Variants in SESTD1 observed in about 807,000 individuals in gnomAD.
The protein encoded by SESTD1 is SEC14 domain and spectrin repeat-containing protein 1.
Under a neutral mutation model 101.7 loss-of-function variants are expected in SESTD1, and 43 were observed. The observed-to-expected ratio is 0.42, with a 90% confidence interval of 0.33 to 0.55. The LOEUF (loss-of-function observed/expected upper bound fraction) is 0.55. SESTD1 is among the 20% of genes least tolerant of loss of function. The pLI is 0.07. For synonymous variants in SESTD1, 283 were observed against 286.8 expected (o/e 0.99, Z 0.13); for missense variants, 647 against 815.1 (o/e 0.79, Z 2.51).
chr2:179,165,539 G>C (rs991024153), intron 5 of SESTD1, among the ~76,000 whole-genome samples: 2 of 152,142 alleles, frequency 1.3e-5, no homozygotes, highest in Non-Finnish European at 2.9e-5. Flanking sequence ...AACATTCCCT[G>C]CATGCCCCAG....
intron 9 of SESTD1, among the ~76,000 whole-genome samples, chr2:179,135,303 A>C (rs2105431928): frequency 6.6e-6 from 1 of 152,248 alleles, no homozygotes; most frequent in East Asian, 1.9e-4. Flanking sequence ...ATCTTTCCAT[A>C]TTTTTTAAAG....
In SESTD1 at chr2:179,151,318, C is replaced by G; in HGVS notation, c.443G>C (p.Ser148Thr). The G allele has an allele frequency of 6.2e-7, 1 of 1,608,866 alleles. No individual in the cohort carries two copies. The highest frequency in any genetic ancestry group is 8.5e-7 in the Non-Finnish European group (1 of 1,177,780). Residue 148 changes from serine to threonine, a missense_variant, in exon 6 of 18, where the codon AGT becomes ACT. Physicochemically the swap from Ser to Thr is moderately conservative, Grantham distance 58. Coordinates refer to ENST00000428443, the MANE Select transcript of SESTD1 (RefSeq NM_178123.5). ...PCQLTEDFGGSLTYDHMDWLN... is the reference protein window; with the variant it reads ...PCQLTEDFGGTLTYDHMDWLN... ...CCAGTCCATGTGATCATAGGTGAGA[C>G]TCCCACCAAAATCTTCTGTTAATTG...
rs768481982 is a variant in SESTD1, at chr2:179,115,242, A to G, written c.1662T>C (p.Tyr554=). 7.5e-6 allele frequency: 12 copies of G among 1,598,286 alleles called. No individual in the cohort carries two copies. The highest frequency in any genetic ancestry group is 1.1e-5 in the South Asian group (1 of 87,230). Residue 554 remains tyrosine, a synonymous_variant, in exon 16 of 18, where the codon TAT becomes TAC. Coordinates refer to ENST00000428443, the MANE Select transcript of SESTD1 (RefSeq NM_178123.5). ...FVDVAQSTYD[Y]GRQLLQATVV... Reference sequence around the variant, plus strand: ...CTGTGGCCTGTAGCAACTGCCTGCCATAGTCATAAGTGCTCTAAAAAAGAA... The same window carrying G: ...CTGTGGCCTGTAGCAACTGCCTGCCGTAGTCATAAGTGCTCTAAAAAAGAA...
At chr2:179,247,037 A>G (rs2047242598) in intron 1 of SESTD1, among the ~76,000 whole-genome samples, 3 of 152,104 alleles carry the variant, frequency 2.0e-5, no homozygotes, top group African/African-American at 7.2e-5. Flanking sequence ...TTCAGATTCC[A>G]CTTGGGCACA....
At chr2:179,245,712 C>G (rs1251615328) in intron 1 of SESTD1, among the ~76,000 whole-genome samples, 2 of 151,450 alleles carry the variant, frequency 1.3e-5, no homozygotes, top group East Asian at 3.9e-4. Context: ...GCTCAAATAA[C>G]CCATAAAAAG....
chr2:179,187,138 G>A (rs1315127481), intron 2 of SESTD1, among the ~76,000 whole-genome samples: 1 of 152,016 alleles, frequency 6.6e-6, no homozygotes, highest in East Asian at 1.9e-4. Context: ...GGTAACAAAA[G>A]AACACCTGCT....
At chr2:179,212,117 G>C (rs1252573570) in intron 1 of SESTD1, among the ~76,000 whole-genome samples, 1 of 135,138 alleles carries the variant, frequency 7.4e-6, no homozygotes, top group Non-Finnish European at 1.6e-5. Context: ...TTCCAACTGA[G>C]GTACCTGGTT....
intron 1 of SESTD1, among the ~76,000 whole-genome samples, chr2:179,220,688 C>T (rs1292614329): frequency 6.6e-6 from 1 of 152,148 alleles, no homozygotes; most frequent in Non-Finnish European, 1.5e-5. Context: ...TGGATACAGC[C>T]ACAATAACTT....
chr2:179,215,773 C>T lies in SESTD1; in HGVS notation c.-25-23907G>A, dbSNP rs1314056912. Among the ~76,000 whole-genome samples, 5 of 135,108 alleles carry T rather than the reference C, an allele frequency of 3.7e-5. 2 individuals are homozygous for T. The highest frequency in any genetic ancestry group is 1.4e-4 in the Admixed American group (2 of 13,918). 88.6% of individuals were successfully genotyped at this position (135,108 alleles called of 152,430 possible). The stretch of plus-strand genomic sequence containing the variant: ...TACTGGCAAACCAAATCCAGCAGCA[C>T]ATCAATAGCTAATCCACCACTATCA... On this transcript the variant is annotated intron_variant, in intron 1 of 17. Coordinates refer to ENST00000428443, the MANE Select transcript of SESTD1 (RefSeq NM_178123.5).
chr2:179,147,496 G>C (rs904091302), intron 7 of SESTD1, among the ~76,000 whole-genome samples: 2 of 151,972 alleles, frequency 1.3e-5, no homozygotes, highest in African/African-American at 2.4e-5. Context: ...TGAGTAGCTG[G>C]GACTACAGGT....
intron 5 of SESTD1, among the ~76,000 whole-genome samples, chr2:179,156,811 AGCTC>A (rs2045641790): frequency 6.6e-6 from 1 of 152,126 alleles, no homozygotes; most frequent in Non-Finnish European, 1.5e-5. Flanking sequence ...GCCATACAAA[AGCTC>A]TTTAATTTCA....
chr2:179,230,113 C>CTTTTT lies in SESTD1; in HGVS notation c.-26+34381_-26+34385dup, dbSNP rs71023474. On this transcript the variant is annotated intron_variant, in intron 1 of 17. Coordinates refer to ENST00000428443, the MANE Select transcript of SESTD1 (RefSeq NM_178123.5). The stretch of plus-strand genomic sequence containing the variant: ...AAATATTCCAAACTGGATTGTATCT[C>CTTTTT]TTTTTTTTTTTTTTTTTTTTTTTTT... Among the ~76,000 whole-genome samples, 206 of 56,414 alleles carry CTTTTT rather than the reference C, an allele frequency of 3.7e-3. 64 individuals carry two copies. Among genetic ancestry groups the CTTTTT allele is most frequent in the East Asian group, 0.017 (19 of 1,138 alleles). 37.0% of individuals were successfully genotyped at this position (56,414 alleles called of 152,430 possible).
intron 8 of SESTD1, 100 bp from the exon 9 acceptor site, chr2:179,143,903 T>G: frequency 8.5e-7 from 1 of 1,178,790 alleles, no homozygotes; most frequent in Non-Finnish European, 1.2e-6. Context: ...AAAACCTATC[T>G]ACCTACATAT....
chr2:179,122,364 G>T (rs1278033151), intron 12 of SESTD1, among the ~76,000 whole-genome samples: 3 of 152,110 alleles, frequency 2.0e-5, no homozygotes, highest in Admixed American at 2.0e-4. Context: ...AGACACTCCA[G>T]CAATGTATCA....
At chr2:179,242,508 G>T (rs1051820949) in intron 1 of SESTD1, among the ~76,000 whole-genome samples, 1 of 152,078 alleles carries the variant, frequency 6.6e-6, no homozygotes, top group African/African-American at 2.4e-5. Context: ...AGTACCCAAA[G>T]CAATTCTAAG....
In SESTD1 at chr2:179,215,731, G is replaced by A. The variant is rs566939334; in HGVS notation, c.-25-23865C>T. On this transcript the variant is annotated intron_variant, in intron 1 of 17. Transcript: ENST00000428443. Reference sequence around the variant, plus strand: ...CAATATCCCCGATGAACACTGATGCGAAAATCCTCAATAAAATACTGGCAA... The same window carrying A: ...CAATATCCCCGATGAACACTGATGCAAAAATCCTCAATAAAATACTGGCAA... Among the ~76,000 whole-genome samples, 33 of 134,676 alleles carry A rather than the reference G, an allele frequency of 2.5e-4. 6 individuals are homozygous for A. The highest frequency in any genetic ancestry group is 2.2e-4 in the Admixed American group (3 of 13,878). The allele number at this position is 134,676 out of a possible 152,430, so 88.4% of individuals were successfully genotyped here. A position where few individuals can be genotyped will look rare whatever the true frequency, so the allele number is the denominator to read the frequency against.
intron 9 of SESTD1, among the ~76,000 whole-genome samples, chr2:179,140,839 A>G (rs572365932): frequency 6.6e-6 from 1 of 152,252 alleles, no homozygotes; most frequent in South Asian, 2.1e-4. Flanking sequence ...AGCGTTTGAC[A>G]GGGTTATAAC....
Position 179,103,190 on chromosome 2 carries a change from A to AT in SESTD1, c.*6708_*6709insA, listed in dbSNP as rs1217111029. ...AAGTTTCAGGCATAGGAACCCCTTG[A>AT]GGAGCTGTCTGGGGCAGACAGGTCT... On this transcript the variant is annotated 3_prime_UTR_variant, in exon 18 of 18. Transcript: ENST00000428443. 6.6e-6 allele frequency: 1 copy of AT among 152,140 alleles called. No individual in the cohort carries two copies. Among genetic ancestry groups the AT allele is most frequent in the Non-Finnish European group, 1.5e-5 (1 of 68,008 alleles). 9.4% of individuals were successfully genotyped at this position (152,140 alleles called of 1,614,324 possible). A position where few individuals can be genotyped will look rare whatever the true frequency, so the allele number is the denominator to read the frequency against.
intron 1 of SESTD1, among the ~76,000 whole-genome samples, chr2:179,235,686 C>A (rs2047056088): frequency 6.6e-6 from 1 of 152,202 alleles, no homozygotes; most frequent in Admixed American, 6.5e-5. Flanking sequence ...ACTCCACTCA[C>A]CCGCCTTTAC....
Sources: allele counts gnomAD v4.1 joint callset (sites outside exome capture counted in the v4.1 genomes callset), GRCh38; gene constraint gnomAD v4.1.1; transcripts MANE v1.5; gene names NCBI Gene and HGNC (gene_info 2026-07-23, HGNC 2026-07-21).